PPIP5K2: variants seen among roughly 807,000 people sequenced by gnomAD.
The protein encoded by PPIP5K2 is inositol hexakisphosphate and diphosphoinositol-pentakisphosphate kinase 2.
PPIP5K2 carries 105 observed loss-of-function variants against 154.6 expected under a neutral mutation model. That is an observed-to-expected ratio of 0.68 (90% CI 0.58 to 0.80). The LOEUF (loss-of-function observed/expected upper bound fraction) is 0.80. PPIP5K2 is among the 30% of genes least tolerant of loss of function. The probability of loss-of-function intolerance (pLI) is 0.00; values close to 1 mark genes in which losing one functional copy is unlikely to be tolerated. For synonymous variants in PPIP5K2, 480 were observed against 490.3 expected, an observed-to-expected ratio of 0.98 and a Z score of 0.28; for missense variants, 992 against 1,504.6, an observed-to-expected ratio of 0.66 and a Z score of 5.64.
chr5:103,172,056 A>G (rs566579530), intron 19 of PPIP5K2, among the ~76,000 whole-genome samples: 265 of 151,748 alleles, frequency 1.7e-3, no homozygotes, highest in African/African-American at 6.1e-3. Flanking sequence ...GAAATCTTTA[A>G]TCAGTTTTTA....
intron 26 of PPIP5K2, among the ~76,000 whole-genome samples, chr5:103,185,710 TATTA>T (rs1800266619): frequency 6.6e-6 from 1 of 152,252 alleles, no homozygotes; most frequent in African/African-American, 2.4e-5. Flanking sequence ...TTGGGAGTCT[TATTA>T]ATTAAGATCT....
intron 30 of PPIP5K2, among the ~76,000 whole-genome samples, chr5:103,200,709 C>T (rs1211956129): frequency 6.6e-6 from 1 of 151,722 alleles, no homozygotes; most frequent in South Asian, 2.1e-4. Flanking sequence ...AATCATGGCT[C>T]ACTGCAGCCT....
At position 103,192,628 on chromosome 5, in the gene PPIP5K2, A is replaced by G. The variant is rs539800745; in HGVS notation, c.3493+1646A>G. Among the ~76,000 whole-genome samples the G allele has an allele frequency of 8.5e-5, 13 of 152,284 alleles. No homozygotes were observed. In the South Asian group the frequency reaches 1.9e-3, roughly 22 times the overall value. On this transcript the variant is annotated intron_variant, in intron 29 of 30. Coordinates refer to ENST00000358359, the MANE Select transcript of PPIP5K2 (RefSeq NM_001276277.3). ...TTTGTTATGAAAGGATAATTTTAGT[A>G]GAATATTTACAAAAAGATAATATTT...
At chr5:103,156,863 G>A (rs1795494417) in intron 14 of PPIP5K2, among the ~76,000 whole-genome samples, 1 of 152,246 alleles carries the variant, frequency 6.6e-6, no homozygotes, top group Non-Finnish European at 1.5e-5. Flanking sequence ...ATTATTTATA[G>A]TAGCAAAAAT....
intron 5 of PPIP5K2, among the ~76,000 whole-genome samples, chr5:103,144,614 A>G (rs533193133): frequency 6.6e-6 from 1 of 152,238 alleles, no homozygotes; most frequent in African/African-American, 2.4e-5. Context: ...AGAAAAAAAT[A>G]TACACATTTG....
rs1803418502 is a variant in PPIP5K2 at position 103,204,865 on chromosome 5, T to G, written c.*3231T>G. 1 of 152,194 alleles carries G rather than the reference T, an allele frequency of 6.6e-6. No homozygotes were observed. Among genetic ancestry groups the G allele is most frequent in the African/African-American group, 2.4e-5 (1 of 41,450 alleles). 9.4% of individuals were successfully genotyped at this position (152,194 alleles called of 1,614,324 possible). ...TTAACTAAATATATTACTGAGTTTT[T>G]TTTTTAATACTGTAAGTTCTAGGGT... is the stretch of plus-strand genomic sequence containing the variant. On this transcript the variant is annotated 3_prime_UTR_variant, in exon 31 of 31. Coordinates refer to ENST00000358359, the MANE Select transcript of PPIP5K2 (RefSeq NM_001276277.3).
At chr5:103,149,429 C>T in intron 8 of PPIP5K2, 116 bp downstream of exon 8, 1 of 915,908 alleles carries the variant, frequency 1.1e-6, no homozygotes, top group Non-Finnish European at 1.6e-6. Flanking sequence ...GTAATTAATA[C>T]ATCTGAATGG....
intron 27 of PPIP5K2, among the ~76,000 whole-genome samples, 178 bp from the exon 28 acceptor site, chr5:103,187,136 C>T (rs527647553): frequency 6.6e-6 from 1 of 152,192 alleles, no homozygotes; most frequent in South Asian, 2.1e-4. Context: ...GACACTTTTC[C>T]TCTGTCATCA....
chr5:103,159,209 A>G lies in PPIP5K2; in HGVS notation c.1801A>G (p.Met601Val). 1 of 1,611,782 alleles carries G rather than the reference A, an allele frequency of 6.2e-7. No homozygotes were observed. The highest frequency in any genetic ancestry group is 8.5e-7 in the Non-Finnish European group (1 of 1,178,142). Residue 601 changes from methionine (M) to valine (V), a missense_variant, in exon 17 of 31, where the codon ATG (methionine) becomes GTG (valine). Physicochemically the swap from Met to Val is conservative, Grantham distance 21 (BLOSUM62 1). Transcript: ENST00000358359. ...TGTTCAAATGGTGAAAAGTGCAAAT[A>G]TGAACGGTCTTTTGGATAGTGATAG... Reference protein sequence around the residue: ...ILVQMVKSANMNGLLDSDSDS... With the variant: ...ILVQMVKSANVNGLLDSDSDS...
intron 1 of PPIP5K2, among the ~76,000 whole-genome samples, chr5:103,123,176 G>A (rs547530346): frequency 1.6e-4 from 24 of 152,320 alleles, no homozygotes; most frequent in African/African-American, 5.5e-4. Context: ...CATTTACTGA[G>A]TGCTTAATAT....
chr5:103,190,251 A>T (rs1443667071), intron 28 of PPIP5K2, among the ~76,000 whole-genome samples: 3 of 151,978 alleles, frequency 2.0e-5, no homozygotes, highest in Non-Finnish European at 2.9e-5. Flanking sequence ...ACAGCCAGTG[A>T]TTCCTAGTAA....
Position 103,133,480 on chromosome 5 carries a change from A to G in PPIP5K2, c.142A>G (p.Ile48Val), listed in dbSNP as rs782777528. 3 of 1,609,436 alleles carry G rather than the reference A, an allele frequency of 1.9e-6. No individual in the cohort carries two copies. In the Admixed American group the frequency reaches 5.1e-5, roughly 27 times the overall value. Residue 48 changes from isoleucine to valine, a missense_variant, in exon 3 of 31, where the codon ATA (isoleucine) becomes GTA (valine). Coordinates refer to ENST00000358359, the MANE Select transcript of PPIP5K2 (RefSeq NM_001276277.3). ...SPPERQIVVGICSMAKKSKSK... is the reference protein window; with the variant it reads ...SPPERQIVVGVCSMAKKSKSK... ...ACCAGAAAGGCAGATTGTGGTTGGA[A>G]TATGTTCCATGGCAAAGAAATCCAA...
chr5:103,122,064 T>G (rs1270042207), intron 1 of PPIP5K2, among the ~76,000 whole-genome samples: 1 of 152,196 alleles, frequency 6.6e-6, no homozygotes, highest in Non-Finnish European at 1.5e-5. Context: ...TCTAGTACTT[T>G]CAAATGGTAC....
At chr5:103,133,699 C>T (rs1554203392) in intron 3 of PPIP5K2, 51 bp downstream of exon 3, 2 of 1,385,144 alleles carry the variant, frequency 1.4e-6, no homozygotes, top group Admixed American at 5.1e-5. Flanking sequence ...GTTTATAAAA[C>T]TAATACATAT....
intron 24 of PPIP5K2, among the ~76,000 whole-genome samples, chr5:103,182,333 G>A (rs1799676302): frequency 2.0e-5 from 3 of 151,946 alleles, no homozygotes; most frequent in African/African-American, 7.3e-5. Context: ...TCTTTAAAAC[G>A]CAAAACACAT....
Position 103,183,417 on chromosome 5 carries a change from C to T in PPIP5K2, c.3096+10C>T, listed in dbSNP as rs1554223814. 1 of 1,599,966 alleles carries T rather than the reference C, an allele frequency of 6.3e-7. No individual in the cohort carries two copies. Among genetic ancestry groups the T allele is most frequent in the Non-Finnish European group, 8.5e-7 (1 of 1,173,518 alleles). ...TGGCTCATGGCAACAGGTTTTTAAA[C>T]TTTACTTCATTAAACATTTTTCCTC... On this transcript the variant is annotated intron_variant, in intron 25 of 30. Transcript: ENST00000358359.
chr5:103,202,942 A>C lies in PPIP5K2; in HGVS notation c.*1308A>C, dbSNP rs1580523943. ...GACTCTTCTCACCTTAAATAGTCATATATTAATTAACTTATAGGAAATAAG... is the reference window on the plus strand; with the variant it reads ...GACTCTTCTCACCTTAAATAGTCATCTATTAATTAACTTATAGGAAATAAG... On this transcript the variant is annotated 3_prime_UTR_variant, in exon 31 of 31. Coordinates refer to ENST00000358359, the MANE Select transcript of PPIP5K2 (RefSeq NM_001276277.3). 1 of 152,624 alleles carries C rather than the reference A, an allele frequency of 6.6e-6. No homozygotes were observed. Among genetic ancestry groups the C allele is most frequent in the East Asian group, 1.9e-4 (1 of 5,208 alleles). The allele number at this position is 152,624 out of a possible 1,614,324, so 9.5% of individuals were successfully genotyped here.
At chr5:103,177,404 A>G (rs1242800164) in intron 21 of PPIP5K2, among the ~76,000 whole-genome samples, 2 of 151,920 alleles carry the variant, frequency 1.3e-5, no homozygotes. Context: ...AAAAGTTTTG[A>G]ATTTTGGAGG....
chr5:103,149,746 G>A (rs1354613027), intron 8 of PPIP5K2, among the ~76,000 whole-genome samples: 1 of 151,474 alleles, frequency 6.6e-6, no homozygotes, highest in Non-Finnish European at 1.5e-5. Context: ...ACCCAGGCTG[G>A]AGTGCAGTGG....
Sources: gnomAD v4.1 joint callset for allele counts (sites outside exome capture counted in the v4.1 genomes callset) on GRCh38, gnomAD v4.1.1 for gene constraint, MANE v1.5 for transcripts, NCBI Gene and HGNC (gene_info 2026-07-23, HGNC 2026-07-21) for gene names.